Variants in FOXP1 observed in about 807,000 individuals in gnomAD.
FOXP1 encodes the protein forkhead box P1.
A neutral mutation model predicts 98.2 loss-of-function variants in FOXP1; 15 were observed. That is an observed-to-expected ratio of 0.15 (90% CI 0.10 to 0.24). The LOEUF is 0.24. FOXP1 is among the 10% of genes least tolerant of loss of function. The probability of loss-of-function intolerance (pLI) is 1.00; values close to 1 mark genes in which losing one functional copy is unlikely to be tolerated. For synonymous variants in FOXP1, 371 were observed against 314.5 expected (o/e 1.18, Z -1.90); for missense variants, 633 against 848.5 (o/e 0.75, Z 3.15).
intron 6 of FOXP1, among the ~76,000 whole-genome samples, chr3:71,176,393 T>A (rs2061939379): frequency 6.6e-6 from 1 of 152,140 alleles, no homozygotes; most frequent in Admixed American, 6.5e-5. Flanking sequence ...AACCCAGATT[T>A]CCGCGTTCTT....
intron 11 of FOXP1, among the ~76,000 whole-genome samples, chr3:71,038,326 CAGAT>C (rs959789253): frequency 6.6e-6 from 1 of 152,162 alleles, no homozygotes; most frequent in African/African-American, 2.4e-5. Flanking sequence ...GTCATGGGGT[CAGAT>C]AGTTATTCAG....
chr3:71,006,336 T>C (rs1026956014), intron 12 of FOXP1, among the ~76,000 whole-genome samples: 1 of 152,110 alleles, frequency 6.6e-6, no homozygotes, highest in Admixed American at 6.6e-5. Flanking sequence ...CCAATATTAG[T>C]GTCTTGGAAT....
At chr3:71,182,500 ATATG>A (rs1049787512) in intron 6 of FOXP1, among the ~76,000 whole-genome samples, 1 of 138,564 alleles carries the variant, frequency 7.2e-6, no homozygotes, top group African/African-American at 2.8e-5. Flanking sequence ...TAAACTATAT[ATATG>A]TGTGTGTGTG....
rs532354193 is a variant in FOXP1, at chr3:71,002,248, C to T, written c.975-1189G>A. 1.4e-4 allele frequency among the ~76,000 whole-genome samples: 21 copies of T among 152,254 alleles called. No individual in the cohort carries two copies. The South Asian group carries it at 3.1e-3, about 23-fold the overall frequency. ...CCCTCAAAATGTAGTTATTTCATGT[C>T]CTAAAACTACTTGTAATGACTTTTA... On this transcript the variant is annotated intron_variant, in intron 12 of 20. Coordinates refer to ENST00000649528, the MANE Select transcript of FOXP1 (RefSeq NM_001349338.3).
intron 3 of FOXP1, among the ~76,000 whole-genome samples, chr3:71,427,492 C>T (rs2084270629): frequency 6.6e-6 from 1 of 152,178 alleles, no homozygotes; most frequent in African/African-American, 2.4e-5. Context: ...GCCCCGGATG[C>T]CGGGCTAGGG....
chr3:71,430,136 T>C lies in FOXP1; in HGVS notation c.-168+63290A>G, dbSNP rs144946877. Among the ~76,000 whole-genome samples, 393 of 152,174 alleles carry C rather than the reference T, an allele frequency of 2.6e-3. 4 individuals carry two copies. The highest frequency in any genetic ancestry group is 9.1e-3 in the African/African-American group (379 of 41,526). On this transcript the variant is annotated intron_variant, in intron 3 of 20. Coordinates refer to ENST00000649528, the MANE Select transcript of FOXP1 (RefSeq NM_001349338.3). ...AAAGACCACCCTGGGAATGAGACAA[T>C]TCAGGTTTTTTACAGGCTCCCTCCT...
At chr3:71,033,030 C>G (rs1251654685) in intron 11 of FOXP1, among the ~76,000 whole-genome samples, 3 of 152,142 alleles carry the variant, frequency 2.0e-5, no homozygotes, top group African/African-American at 7.2e-5. Flanking sequence ...ACAATACCAT[C>G]AGAGTTTCCA....
intron 10 of FOXP1, 30 bp downstream of exon 10, chr3:71,046,912 A>C: frequency 6.2e-7 from 1 of 1,613,612 alleles, no homozygotes; most frequent in Non-Finnish European, 8.5e-7. Context: ...GTCTTCACAG[A>C]GCTATGCCTT....
rs142251081 is a variant in FOXP1 at position 71,461,144 on chromosome 3, C to T, written c.-168+32282G>A. 2.8e-4 allele frequency among the ~76,000 whole-genome samples: 42 copies of T among 152,250 alleles called. 1 individual carries two copies. The highest frequency in any genetic ancestry group is 9.9e-4 in the African/African-American group (41 of 41,532). On this transcript the variant is annotated intron_variant, in intron 3 of 20. Coordinates refer to ENST00000649528, the MANE Select transcript of FOXP1 (RefSeq NM_001349338.3). ...CATTCTTGAGTTTCATCAGTACGAGCTATAATAAAATGGTGCCTAAAAGTT... is the reference window on the plus strand; with the variant it reads ...CATTCTTGAGTTTCATCAGTACGAGTTATAATAAAATGGTGCCTAAAAGTT...
chr3:71,335,559 A>G (rs1270835429), intron 4 of FOXP1, among the ~76,000 whole-genome samples: 1 of 152,182 alleles, frequency 6.6e-6, no homozygotes, highest in East Asian at 1.9e-4. Flanking sequence ...AATCCTGATT[A>G]TGAAATGGAA....
intron 7 of FOXP1, among the ~76,000 whole-genome samples, chr3:71,061,282 T>C (rs2051436213): frequency 1.3e-5 from 2 of 152,086 alleles, no homozygotes; most frequent in African/African-American, 4.8e-5. Context: ...AATCTAGCCA[T>C]ACAGATACAC....
chr3:71,287,698 T>G (rs1325780177), intron 5 of FOXP1, among the ~76,000 whole-genome samples: 1 of 151,350 alleles, frequency 6.6e-6, no homozygotes, highest in Non-Finnish European at 1.5e-5. Flanking sequence ...GAGAATCACT[T>G]GAACCTGGGA....
At chr3:71,251,119 A>C (rs1354068025) in intron 5 of FOXP1, among the ~76,000 whole-genome samples, 2 of 152,154 alleles carry the variant, frequency 1.3e-5, no homozygotes, top group African/African-American at 4.8e-5. Context: ...AACCAAGTGC[A>C]CTCTTTAAGA....
At position 70,976,947 on chromosome 3, in the gene FOXP1, C is replaced by T. The variant is rs770674318; in HGVS notation, c.1524G>A (p.Thr508=). The part of the protein sequence containing the change: ...MFAYFRRNAA[T]WKNAVRHNLS... Reference sequence around the variant, plus strand: ...CAGGCCTGAGAAAGCTTACCTTCCACGTGGCCGCGTTGCGTCGGAAGTAAG... The same window carrying T: ...CAGGCCTGAGAAAGCTTACCTTCCATGTGGCCGCGTTGCGTCGGAAGTAAG... Residue 508 remains threonine (T), a synonymous_variant, in exon 17 of 21, where the codon ACG becomes ACA. Coordinates refer to ENST00000649528, the MANE Select transcript of FOXP1 (RefSeq NM_001349338.3). 1.3e-5 allele frequency: 21 copies of T among 1,612,626 alleles called. No homozygotes were observed. Among genetic ancestry groups the T allele is most frequent in the East Asian group, 2.2e-5 (1 of 44,886 alleles).
rs2032130227 is a variant in FOXP1 at position 70,957,598 on chromosome 3, A to G, written c.*1649T>C. ...GAACTAAAAAAAACTACAGTCCTAT[A>G]TAAATAAATGACAGGAAAGTGGGTG... is the stretch of plus-strand genomic sequence containing the variant. On this transcript the variant is annotated 3_prime_UTR_variant, in exon 21 of 21. Transcript: ENST00000649528. 1 of 232,740 alleles carries G rather than the reference A, an allele frequency of 4.3e-6. No individual in the cohort carries two copies. The highest frequency in any genetic ancestry group is 2.2e-5 in the African/African-American group (1 of 45,306). The allele number at this position is 232,740 out of a possible 1,614,324, so 14.4% of individuals were successfully genotyped here.
intron 5 of FOXP1, among the ~76,000 whole-genome samples, chr3:71,274,767 T>A (rs1171259745): frequency 6.6e-6 from 1 of 152,094 alleles, no homozygotes; most frequent in Non-Finnish European, 1.5e-5. Flanking sequence ...ATCAACAGTT[T>A]CTTATCACTG....
chr3:71,101,381 T>C (rs1330011054), intron 7 of FOXP1, among the ~76,000 whole-genome samples: 2 of 151,970 alleles, frequency 1.3e-5, no homozygotes, highest in Non-Finnish European at 2.9e-5. Context: ...GCACTGAAAT[T>C]AAAGGGGATC....
At chr3:71,007,191 T>G (rs1021384489) in intron 12 of FOXP1, among the ~76,000 whole-genome samples, 1 of 152,162 alleles carries the variant, frequency 6.6e-6, no homozygotes, top group South Asian at 2.1e-4. Context: ...AAAAGTCAAA[T>G]TCATAAAAAT....
At chr3:71,051,589 G>A (rs2049901418) in intron 9 of FOXP1, among the ~76,000 whole-genome samples, 1 of 152,230 alleles carries the variant, frequency 6.6e-6, no homozygotes, top group African/African-American at 2.4e-5. Context: ...AGCTGTTAAA[G>A]TGGATGAGGT....
Sources: gnomAD v4.1 joint callset for allele counts (sites outside exome capture counted in the v4.1 genomes callset) on GRCh38, gnomAD v4.1.1 for gene constraint, MANE v1.5 for transcripts, NCBI Gene and HGNC (gene_info 2026-07-23, HGNC 2026-07-21) for gene names.